TRAPPC11: variants seen among roughly 807,000 people sequenced by gnomAD.
TRAPPC11 encodes foie gras homolog.
In TRAPPC11, 104 loss-of-function variants were observed where a neutral mutation model predicts 151.2. That is an observed-to-expected ratio of 0.69 (90% CI 0.59 to 0.81). The LOEUF (loss-of-function observed/expected upper bound fraction) is 0.81. Among genes scored for constraint, TRAPPC11 ranks in the 30% least tolerant of loss-of-function variants. TRAPPC11 has a pLI of 0.00. For synonymous variants in TRAPPC11, 456 were observed against 472.3 expected (o/e 0.97, Z 0.45); for missense variants, 1,230 against 1,349.6 (o/e 0.91, Z 1.39).
intron 11 of TRAPPC11, among the ~76,000 whole-genome samples, chr4:183,683,576 C>T (rs375061685): frequency 7.9e-5 from 12 of 152,060 alleles, no homozygotes; most frequent in Admixed American, 1.3e-4. Flanking sequence ...ATGGGATGAT[C>T]GCTTGAGCCT....
Position 183,684,131 on chromosome 4 carries a change from A to T in TRAPPC11, c.1288-14A>T, listed in dbSNP as rs1735842083. 2 of 1,610,360 alleles carry T rather than the reference A, an allele frequency of 1.2e-6. No homozygotes were observed. Among genetic ancestry groups the T allele is most frequent in the African/African-American group, 1.3e-5 (1 of 74,816 alleles). The stretch of plus-strand genomic sequence containing the variant: ...TTTGTATTGAAATGTTTCACACTCT[A>T]CTTTTTCTAATAGGAGATAATCATA... On this transcript the variant is annotated splice_polypyrimidine_tract_variant and intron_variant, in intron 12 of 29. Coordinates refer to ENST00000334690, the MANE Select transcript of TRAPPC11 (RefSeq NM_021942.6).
intron 28 of TRAPPC11, among the ~76,000 whole-genome samples, chr4:183,707,650 T>C (rs4321675): frequency 0.86 from 130,479 of 152,198 alleles, 55,974 homozygotes; most frequent in East Asian, 0.89. Flanking sequence ...CCTGACTAAT[T>C]AACTGCTCTG....
At chr4:183,661,361 CTTTT>C (rs139201416) in intron 1 of TRAPPC11, among the ~76,000 whole-genome samples, 25 of 79,392 alleles carry the variant, frequency 3.1e-4, no homozygotes, top group African/African-American at 1.1e-3. Flanking sequence ...TGTAGATTAC[CTTTT>C]TTTTTTTTTT....
chr4:183,664,219 C>T (rs922468893), intron 2 of TRAPPC11, 148 bp downstream of exon 2: 3 of 625,862 alleles, frequency 4.8e-6, no homozygotes, highest in Admixed American at 5.5e-5. Context: ...TCATGTAATA[C>T]ACTGCATGTA....
intron 18 of TRAPPC11, among the ~76,000 whole-genome samples, chr4:183,689,510 T>G (rs1736145738): frequency 6.6e-6 from 1 of 152,156 alleles, no homozygotes; most frequent in South Asian, 2.1e-4. Context: ...TCTGTGTGAT[T>G]ATTTGGTAAA....
intron 2 of TRAPPC11, 171 bp from the exon 3 acceptor site, chr4:183,666,086 C>A: frequency 1.9e-6 from 1 of 517,788 alleles, no homozygotes; most frequent in Non-Finnish European, 3.3e-6. Context: ...GGTTGAGATT[C>A]CACCTTCAAC....
intron 21 of TRAPPC11, 81 bp from the exon 22 acceptor site, chr4:183,693,836 C>T (rs1397640312): frequency 1.3e-6 from 2 of 1,594,706 alleles, no homozygotes; most frequent in African/African-American, 2.7e-5. Context: ...GAGGGTATGG[C>T]ATAGTGCTCT....
chr4:183,666,690 C>T (rs1734901895), intron 3 of TRAPPC11, among the ~76,000 whole-genome samples: 1 of 152,170 alleles, frequency 6.6e-6, no homozygotes, highest in Non-Finnish European at 1.5e-5. Flanking sequence ...TAGTAATTTA[C>T]TGTTTAGTCT....
At chr4:183,672,610 C>T (rs1030821649) in intron 5 of TRAPPC11, among the ~76,000 whole-genome samples, 1 of 152,212 alleles carries the variant, frequency 6.6e-6, no homozygotes, top group Non-Finnish European at 1.5e-5. Context: ...CACTTATGCT[C>T]TATCCCGTGA....
chr4:183,699,503 T>A (rs1194850630), intron 25 of TRAPPC11, among the ~76,000 whole-genome samples: 2 of 152,208 alleles, frequency 1.3e-5, no homozygotes, highest in Non-Finnish European at 2.9e-5. Context: ...TCATAGTACT[T>A]AGCTAATAAG....
At chr4:183,662,488 T>G (rs1378108776) in intron 1 of TRAPPC11, among the ~76,000 whole-genome samples, 1 of 152,142 alleles carries the variant, frequency 6.6e-6, no homozygotes, top group Non-Finnish European at 1.5e-5. Flanking sequence ...TACGTTAGAT[T>G]TATTATGGAC....
At chr4:183,699,107 C>T (rs1041529505) in intron 25 of TRAPPC11, among the ~76,000 whole-genome samples, 1 of 152,188 alleles carries the variant, frequency 6.6e-6, no homozygotes, top group Non-Finnish European at 1.5e-5. Context: ...CTCTGGCTGA[C>T]CTTCCCAGCT....
intron 23 of TRAPPC11, among the ~76,000 whole-genome samples, chr4:183,696,133 C>T (rs1231805670): frequency 1.3e-5 from 2 of 152,092 alleles, no homozygotes; most frequent in Non-Finnish European, 2.9e-5. Flanking sequence ...AAGTATAATC[C>T]AAATACTCCA....
At position 183,675,168 on chromosome 4, in the gene TRAPPC11, T is replaced by A; in HGVS notation, c.665T>A (p.Leu222Ter). 1 of 1,504,232 alleles carries A rather than the reference T, an allele frequency of 6.6e-7. No individual in the cohort carries two copies. The highest frequency in any genetic ancestry group is 8.9e-7 in the Non-Finnish European group (1 of 1,123,138). The allele number at this position is 1,504,232 out of a possible 1,614,324, so 93.2% of individuals were successfully genotyped here. A position where few individuals can be genotyped will look rare whatever the true frequency, so the allele number is the denominator to read the frequency against. Residue 222 changes from leucine to a stop codon, truncating the protein, a stop_gained, in exon 7 of 30, where the codon TTA (leucine) becomes TAA (stop). Coordinates refer to ENST00000334690, the MANE Select transcript of TRAPPC11 (RefSeq NM_021942.6). LOFTEE classifies it high-confidence loss of function. The part of the protein sequence containing the change: ...EFLNKTTHQL[L>*]FVRHQFKIAF... Reference sequence around the variant, plus strand: ...AATTTTTTTGTCTCTTTTTAGCTTTTATTTGTTAGGCATCAGTTCAAAATA... The same window carrying A: ...AATTTTTTTGTCTCTTTTTAGCTTTAATTTGTTAGGCATCAGTTCAAAATA...
intron 19 of TRAPPC11, 65 bp from the exon 20 acceptor site, chr4:183,692,895 G>A (rs911385277): frequency 6.9e-7 from 1 of 1,448,978 alleles, no homozygotes; most frequent in Non-Finnish European, 9.4e-7. Context: ...TGTAATTTTG[G>A]TGAGAGGAGA....
chr4:183,661,496 C>CGAGTA (rs1734531627), intron 1 of TRAPPC11, among the ~76,000 whole-genome samples: 1 of 150,708 alleles, frequency 6.6e-6, no homozygotes, highest in African/African-American at 2.4e-5. Flanking sequence ...CTCAGCCTCC[C>CGAGTA]GAGTAGCTGG....
At chr4:183,676,723 C>T (rs1470609800) in intron 7 of TRAPPC11, among the ~76,000 whole-genome samples, 2 of 152,222 alleles carry the variant, frequency 1.3e-5, no homozygotes, top group Non-Finnish European at 2.9e-5. Flanking sequence ...CAGTAATATT[C>T]ACTTAACCTG....
intron 1 of TRAPPC11, among the ~76,000 whole-genome samples, chr4:183,660,783 G>A (rs760732967): frequency 1.3e-5 from 2 of 152,064 alleles, no homozygotes; most frequent in African/African-American, 2.4e-5. Flanking sequence ...GTGCGATCTC[G>A]GCTCACTGAA....
chr4:183,674,725 C>T lies in TRAPPC11; in HGVS notation c.573C>T (p.Ala191=), dbSNP rs775792521. The change falls in exon 6 of 30, where the codon GCC becomes GCT. Residue 191 remains alanine, a synonymous_variant. Transcript: ENST00000334690. ...TTGTTTTTTACAGATTGGAAAATGC[C>T]TTTTATGAACATGCACAGACTTATT... ...LVGYIIRLEN[A]FYEHAQTYYY... The T allele has an allele frequency of 6.5e-7, 1 of 1,539,634 alleles. No individual in the cohort carries two copies. Among genetic ancestry groups the T allele is most frequent in the Non-Finnish European group, 8.7e-7 (1 of 1,146,410 alleles).
Sources: gnomAD v4.1 joint callset for allele counts (sites outside exome capture counted in the v4.1 genomes callset) on GRCh38, gnomAD v4.1.1 for gene constraint, MANE v1.5 for transcripts, NCBI Gene and HGNC (gene_info 2026-07-23, HGNC 2026-07-21) for gene names.